SGCZ: variants seen among roughly 807,000 people sequenced by gnomAD.
SGCZ encodes zeta-sarcoglycan.
SGCZ carries 40 observed loss-of-function variants against 41.3 expected under a neutral mutation model. The observed-to-expected ratio is 0.97, with a 90% CI of 0.75 to 1.26. The LOEUF is 1.26. Among genes scored for constraint, SGCZ ranks in the 50% most tolerant of loss-of-function variants. SGCZ has a pLI of 0.00. For missense variants in SGCZ, 552 were observed against 369.8 expected, an observed-to-expected ratio of 1.49 and a Z score of -4.04; for synonymous variants, 206 against 137.5, an observed-to-expected ratio of 1.50 and a Z score of -3.49.
chr8:14,959,721 C>G lies in SGCZ; in HGVS notation c.39+277864G>C, dbSNP rs192906537. Reference sequence around the variant, plus strand: ...GTTCTTAAGTTACTTTTTAAAGATTCTCTGTAATCGTTCACGCTTTAATTC... The same window carrying G: ...GTTCTTAAGTTACTTTTTAAAGATTGTCTGTAATCGTTCACGCTTTAATTC... On this transcript the variant is annotated intron_variant, in intron 1 of 7. Coordinates refer to ENST00000382080, the MANE Select transcript of SGCZ (RefSeq NM_139167.4). Among the ~76,000 whole-genome samples the G allele has an allele frequency of 1.2e-3, 190 of 152,246 alleles. 2 individuals are homozygous for G. The highest frequency in any genetic ancestry group is 6.8e-3 in the Middle Eastern group (2 of 294).
intron 1 of SGCZ, among the ~76,000 whole-genome samples, chr8:14,987,624 T>C (rs1308576816): frequency 6.6e-6 from 1 of 151,974 alleles, no homozygotes; most frequent in Non-Finnish European, 1.5e-5. Context: ...CTCCAAAATA[T>C]TAGTAGAAGT....
At chr8:14,778,297 C>A (rs929397631) in intron 1 of SGCZ, among the ~76,000 whole-genome samples, 1 of 152,088 alleles carries the variant, frequency 6.6e-6, no homozygotes, top group Non-Finnish European at 1.5e-5. Flanking sequence ...AACTGTCACC[C>A]CAAATCTATA....
intron 2 of SGCZ, among the ~76,000 whole-genome samples, chr8:14,394,569 G>A (rs1001554698): frequency 5.9e-5 from 9 of 152,116 alleles, no homozygotes; most frequent in African/African-American, 1.9e-4. Context: ...GGTTTTACGA[G>A]CCTTTTCTAG....
chr8:15,033,534 A>T (rs1261889282), intron 1 of SGCZ, among the ~76,000 whole-genome samples: 1 of 152,036 alleles, frequency 6.6e-6, no homozygotes, highest in African/African-American at 2.4e-5. Flanking sequence ...CAGGAGCACC[A>T]CTAGAGAATG....
At chr8:14,102,318 A>C in intron 7 of SGCZ, 58 bp downstream of exon 7, 2 of 1,344,940 alleles carry the variant, frequency 1.5e-6, no homozygotes, top group Non-Finnish European at 1.9e-6. Context: ...GGACATCTAA[A>C]TACTTGTGTT....
At chr8:14,141,469 G>C (rs770319752) in intron 5 of SGCZ, among the ~76,000 whole-genome samples, 5 of 151,866 alleles carry the variant, frequency 3.3e-5, no homozygotes, top group Non-Finnish European at 7.4e-5. Context: ...ACAAATTACA[G>C]GAAAAATCAA....
chr8:15,183,532 T>C (rs1236943473), intron 1 of SGCZ, among the ~76,000 whole-genome samples: 2 of 152,322 alleles, frequency 1.3e-5, no homozygotes, highest in Admixed American at 6.5e-5. Flanking sequence ...TGTGATCTTA[T>C]ATTGTCTCTG....
intron 1 of SGCZ, among the ~76,000 whole-genome samples, chr8:14,802,604 G>A (rs1452066454): frequency 6.6e-6 from 1 of 151,752 alleles, no homozygotes; most frequent in African/African-American, 2.4e-5. Flanking sequence ...TACAAACACA[G>A]AGAGAGAGAG....
chr8:14,191,894 T>G (rs1026199689), intron 4 of SGCZ, among the ~76,000 whole-genome samples: 5 of 152,074 alleles, frequency 3.3e-5, no homozygotes, highest in Non-Finnish European at 1.5e-5. Context: ...AACCTAGTCA[T>G]AATACTGAAA....
At chr8:14,215,208 G>A (rs1004378752) in intron 4 of SGCZ, among the ~76,000 whole-genome samples, 2 of 151,870 alleles carry the variant, frequency 1.3e-5, no homozygotes, top group Non-Finnish European at 2.9e-5. Flanking sequence ...ATATTAGAAA[G>A]GTAGCAGGAA....
chr8:15,122,497 T>G (rs2116953950), intron 1 of SGCZ, among the ~76,000 whole-genome samples: 1 of 152,222 alleles, frequency 6.6e-6, no homozygotes, highest in Admixed American at 6.5e-5. Context: ...GTACAAAAAT[T>G]TTTACATGGG....
chr8:15,220,629 G>A (rs1371208551), intron 1 of SGCZ, among the ~76,000 whole-genome samples: 1 of 152,122 alleles, frequency 6.6e-6, no homozygotes, highest in African/African-American at 2.4e-5. Context: ...TCTAGAACTG[G>A]AAATACCATT....
intron 3 of SGCZ, among the ~76,000 whole-genome samples, chr8:14,311,578 C>T (rs867076677): frequency 6.6e-6 from 1 of 152,118 alleles, no homozygotes; most frequent in Non-Finnish European, 1.5e-5. Flanking sequence ...TTAGACAATA[C>T]AATTTCATTC....
rs57569373 is a variant in SGCZ at position 14,439,310 on chromosome 8, A to AATATATAT, written c.235-115114_235-115107dup. Among the ~76,000 whole-genome samples the AATATATAT allele has an allele frequency of 2.9e-3, 409 of 142,702 alleles. 3 individuals are homozygous for AATATATAT. Among genetic ancestry groups the AATATATAT allele is most frequent in the African/African-American group, 8.0e-3 (312 of 39,076 alleles). 93.6% of individuals were successfully genotyped at this position (142,702 alleles called of 152,430 possible). Reference sequence around the variant, plus strand: ...TTAAAGAAAATATATAGAAGAAAGAAATATATATATATATATATATCTCCT... The same window carrying AATATATAT: ...TTAAAGAAAATATATAGAAGAAAGAAATATATATATATATATATATATATATATCTCCT... On this transcript the variant is annotated intron_variant, in intron 2 of 7. Coordinates refer to ENST00000382080, the MANE Select transcript of SGCZ (RefSeq NM_139167.4).
At chr8:14,873,271 A>C (rs941240236) in intron 1 of SGCZ, among the ~76,000 whole-genome samples, 2 of 152,172 alleles carry the variant, frequency 1.3e-5, no homozygotes, top group African/African-American at 4.8e-5. Context: ...GCTACAAAAG[A>C]GGAAAGAGCA....
intron 1 of SGCZ, among the ~76,000 whole-genome samples, chr8:15,095,952 T>C (rs995796021): frequency 2.0e-5 from 3 of 152,174 alleles, no homozygotes; most frequent in Non-Finnish European, 1.5e-5. Context: ...AAATTTCAAA[T>C]TGATGAACCC....
At chr8:14,590,052 A>G (rs901434371) in intron 1 of SGCZ, among the ~76,000 whole-genome samples, 1 of 152,092 alleles carries the variant, frequency 6.6e-6, no homozygotes, top group African/African-American at 2.4e-5. Flanking sequence ...TTGCTACTTT[A>G]TGTGTGTACA....
chr8:14,914,083 T>A (rs1335114716), intron 1 of SGCZ, among the ~76,000 whole-genome samples: 1 of 152,040 alleles, frequency 6.6e-6, no homozygotes, highest in Non-Finnish European at 1.5e-5. Flanking sequence ...CATCCTTTTT[T>A]AAAAGGTGTG....
chr8:14,327,997 G>A (rs1027617536), intron 2 of SGCZ, among the ~76,000 whole-genome samples: 1 of 152,100 alleles, frequency 6.6e-6, no homozygotes, highest in Non-Finnish European at 1.5e-5. Context: ...GACAAGGACT[G>A]CTCTTATAAC....
Sources: gnomAD v4.1 joint callset for allele counts (sites outside exome capture counted in the v4.1 genomes callset) on GRCh38, gnomAD v4.1.1 for gene constraint, MANE v1.5 for transcripts, NCBI Gene and HGNC (gene_info 2026-07-23, HGNC 2026-07-21) for gene names.